The following USP6NL variants were observed in gnomAD, a reference collection of about 807,000 sequenced individuals.
The protein encoded by USP6NL is USP6 N-terminal-like protein.
A neutral mutation model predicts 61.9 loss-of-function variants in USP6NL; 26 were observed. That is an observed-to-expected ratio of 0.42 (90% CI 0.31 to 0.58). The LOEUF (loss-of-function observed/expected upper bound fraction) is 0.58, where lower values mean the gene tolerates loss of function less well. USP6NL is among the 20% of genes least tolerant of loss of function. USP6NL has a pLI of 0.16. For synonymous variants in USP6NL, 432 were observed against 390.1 expected (o/e 1.11, Z -1.27); for missense variants, 1,114 against 1,034.3 (o/e 1.08, Z -1.06).
At chr10:11,507,051 T>G (rs909571627) in intron 6 of USP6NL, among the ~76,000 whole-genome samples, 1 of 152,190 alleles carries the variant, frequency 6.6e-6, no homozygotes, top group African/African-American at 2.4e-5. Flanking sequence ...TGCTTCAAAA[T>G]TATACTTCAA....
rs1464625057 is a variant in USP6NL at position 11,575,348 on chromosome 10, T to C, written c.4+22283A>G. The stretch of plus-strand genomic sequence containing the variant: ...GTGTTAAGTATCTACTGCCTTTGTT[T>C]TCCAATCATGTTTCCAGCTCCTGAG... On this transcript the variant is annotated intron_variant, in intron 2 of 14. Coordinates refer to ENST00000609104, the MANE Select transcript of USP6NL (RefSeq NM_014688.5). The surrounding 1 kb of genome is among the most constrained non-coding windows in gnomAD (Gnocchi z 4.2). Among the ~76,000 whole-genome samples the C allele has an allele frequency of 6.6e-6, 1 of 152,230 alleles. No homozygotes were observed. Among genetic ancestry groups the C allele is most frequent in the Non-Finnish European group, 1.5e-5 (1 of 68,040 alleles).
chr10:11,509,261 A>G (rs1026355267), intron 6 of USP6NL, among the ~76,000 whole-genome samples: 7 of 152,174 alleles, frequency 4.6e-5, no homozygotes, highest in African/African-American at 1.7e-4. Flanking sequence ...AGGGAAGCCA[A>G]CCTCAAGATG....
rs757835467 is a variant in USP6NL at position 11,463,081 on chromosome 10, G to A, written c.1847C>T (p.Pro616Leu). 4 of 1,613,896 alleles carry A rather than the reference G, an allele frequency of 2.5e-6. No individual in the cohort carries two copies. The highest frequency in any genetic ancestry group is 1.1e-5 in the South Asian group (1 of 91,090). ...KVQPPSHARY[P>L]SQLDGEARGL... ...TCGGGCTTCCCCATCTAGCTGGGAC[G>A]GATATCGTGCATGACTTGGAGGCTG... Residue 616 changes from proline to leucine, a missense_variant, in exon 15 of 15, where the codon CCG becomes CTG. By Grantham distance (98) the Pro-to-Leu change is moderately conservative. Transcript: ENST00000609104. This position sits in a 1 kb window ranked among gnomAD's most constrained non-coding sequence, Gnocchi z 6.3.
intron 2 of USP6NL, among the ~76,000 whole-genome samples, chr10:11,550,811 A>G (rs1836452549): frequency 6.6e-6 from 1 of 152,042 alleles, no homozygotes; most frequent in African/African-American, 2.4e-5. Flanking sequence ...AAAACAGGCA[A>G]GAGATTTGAA....
At chr10:11,533,160 A>G (rs1835721180) in intron 2 of USP6NL, among the ~76,000 whole-genome samples, 1 of 152,208 alleles carries the variant, frequency 6.6e-6, no homozygotes, top group Admixed American at 6.5e-5. Context: ...AGAAGTTGAG[A>G]GGGGGAAAAT....
Position 11,468,148 on chromosome 10 carries a change from T to G in USP6NL, c.1079-4299A>C, listed in dbSNP as rs997062090. ...AAAAATCCATTTTTAATTAATCCAT[T>G]TATTGATTCTTGCCTCAGACAGGCA... On this transcript the variant is annotated intron_variant, in intron 14 of 14. Coordinates refer to ENST00000609104, the MANE Select transcript of USP6NL (RefSeq NM_014688.5). The surrounding 1 kb of genome is among the most constrained non-coding windows in gnomAD (Gnocchi z 4.5). Among the ~76,000 whole-genome samples, 1 of 152,204 alleles carries G rather than the reference T, an allele frequency of 6.6e-6. No homozygotes were observed. Among genetic ancestry groups the G allele is most frequent in the African/African-American group, 2.4e-5 (1 of 41,442 alleles).
intron 6 of USP6NL, among the ~76,000 whole-genome samples, chr10:11,504,041 A>G (rs1388442857): frequency 2.0e-5 from 3 of 152,202 alleles, no homozygotes; most frequent in African/African-American, 7.2e-5. Flanking sequence ...AAAACTTAAA[A>G]GGAATATAAA....
chr10:11,462,901 G>C lies in USP6NL; in HGVS notation c.2027C>G (p.Ser676Cys). The C allele has an allele frequency of 4.3e-6, 7 of 1,613,598 alleles. No homozygotes were observed. The Middle Eastern group carries it at 4.9e-4, about 114-fold the overall frequency. ...AGATTTCTCCGGAGAAGCACTGACG[G>C]AAAGAGTAGAACCATGAGGTCTCCT... Reference protein sequence around the residue: ...PSRRPHGSTLSVSASPEKSYS... With the variant: ...PSRRPHGSTLCVSASPEKSYS... Residue 676 changes from serine to cysteine, a missense_variant, in exon 15 of 15, where the codon TCC (serine) becomes TGC (cysteine). Coordinates refer to ENST00000609104, the MANE Select transcript of USP6NL (RefSeq NM_014688.5).
Position 11,463,651 on chromosome 10 carries a change from T to G in USP6NL, c.1277A>C (p.Glu426Ala). The G allele has an allele frequency of 6.2e-7, 1 of 1,613,988 alleles. No individual in the cohort carries two copies. Reference protein sequence around the residue: ...PHPQSRTGTPERAQPPRRKSV... With the variant: ...PHPQSRTGTPARAQPPRRKSV... ...TTTCCGTCTTGGCGGCTGTGCTCTC[T>G]CGGGCGTCCCGGTCCTGCTCTGGGG... Residue 426 changes from glutamate (E) to alanine (A), a missense_variant, in exon 15 of 15, where the codon GAG becomes GCG. Transcript: ENST00000609104. This position sits in a 1 kb window ranked among gnomAD's most constrained non-coding sequence, Gnocchi z 6.3.
At chr10:11,555,608 A>G (rs1474087566) in intron 2 of USP6NL, among the ~76,000 whole-genome samples, 1 of 151,606 alleles carries the variant, frequency 6.6e-6, no homozygotes, top group Non-Finnish European at 1.5e-5. Context: ...AGAATGGTAC[A>G]GAAGCAGTTT....
chr10:11,483,907 A>G (rs1833350404), intron 13 of USP6NL, among the ~76,000 whole-genome samples: 1 of 152,186 alleles, frequency 6.6e-6, no homozygotes, highest in African/African-American at 2.4e-5. Context: ...AAGTGCTTTT[A>G]AAGGGCATTT....
Position 11,598,807 on chromosome 10 carries a change from C to T in USP6NL, c.-83-1090G>A, listed in dbSNP as rs560187139. 1.3e-5 allele frequency among the ~76,000 whole-genome samples: 2 copies of T among 152,204 alleles called. No individual in the cohort carries two copies. The highest frequency in any genetic ancestry group is 2.1e-4 in the South Asian group (1 of 4,828). ...TTGCCACATCTATATACTGTACTTG[C>T]GTCATGTAATATACATGAGAAGTAT... On this transcript the variant is annotated intron_variant, in intron 1 of 14. Transcript: ENST00000609104. This position sits in a 1 kb window ranked among gnomAD's most constrained non-coding sequence, Gnocchi z 4.7.
At position 11,587,388 on chromosome 10, in the gene USP6NL, T is replaced by C. The variant is rs995638330; in HGVS notation, c.4+10243A>G. On this transcript the variant is annotated intron_variant, in intron 2 of 14. Transcript: ENST00000609104. This position sits in a 1 kb window ranked among gnomAD's most constrained non-coding sequence, Gnocchi z 4.5. ...TCCTTTGCAATATTCCAAGTTAATCTTCTAGCTTTCACTATCCCTTGCAAT... is the reference window on the plus strand; with the variant it reads ...TCCTTTGCAATATTCCAAGTTAATCCTCTAGCTTTCACTATCCCTTGCAAT... 2.0e-5 allele frequency among the ~76,000 whole-genome samples: 3 copies of C among 152,148 alleles called. No individual in the cohort carries two copies. Among genetic ancestry groups the C allele is most frequent in the Non-Finnish European group, 2.9e-5 (2 of 68,018 alleles).
At position 11,595,540 on chromosome 10, in the gene USP6NL, G is replaced by C. The variant is rs1177272537; in HGVS notation, c.4+2091C>G. Reference sequence around the variant, plus strand: ...TCTGTGATGTTCTCAACGTCACCATGGGGCCAGGGCTCTGACCCACTAACA... The same window carrying C: ...TCTGTGATGTTCTCAACGTCACCATCGGGCCAGGGCTCTGACCCACTAACA... On this transcript the variant is annotated intron_variant, in intron 2 of 14. Coordinates refer to ENST00000609104, the MANE Select transcript of USP6NL (RefSeq NM_014688.5). The surrounding 1 kb of genome is among the most constrained non-coding windows in gnomAD (Gnocchi z 5.3). 6.6e-6 allele frequency among the ~76,000 whole-genome samples: 1 copy of C among 152,134 alleles called. No homozygotes were observed. The highest frequency in any genetic ancestry group is 2.4e-5 in the African/African-American group (1 of 41,424).
In USP6NL at chr10:11,495,989, A is replaced by G. The variant is rs1419067226; in HGVS notation, c.385-2761T>C. ...GGGTTTATTTTCTTATGCTGATCAC[A>G]TCCCCCACAGAACGCTCTTCCAATC... On this transcript the variant is annotated intron_variant, in intron 7 of 14. Coordinates refer to ENST00000609104, the MANE Select transcript of USP6NL (RefSeq NM_014688.5). The surrounding 1 kb of genome is among the most constrained non-coding windows in gnomAD (Gnocchi z 4.6). Among the ~76,000 whole-genome samples, 6 of 151,990 alleles carry G rather than the reference A, an allele frequency of 3.9e-5. No individual in the cohort carries two copies. The highest frequency in any genetic ancestry group is 5.9e-5 in the Non-Finnish European group (4 of 68,004).
chr10:11,484,905 T>A (rs1292412562), intron 13 of USP6NL, 66 bp downstream of exon 13: 1 of 1,268,518 alleles, frequency 7.9e-7, no homozygotes, highest in African/African-American at 1.5e-5. Flanking sequence ...GGGTGGGGAA[T>A]GAGAAATCAA....
At chr10:11,503,828 CA>C (rs1310455975) in intron 6 of USP6NL, among the ~76,000 whole-genome samples, 4 of 152,076 alleles carry the variant, frequency 2.6e-5, no homozygotes, top group African/African-American at 9.7e-5. Flanking sequence ...GAACGTGAAT[CA>C]CAAAGAGGTT....
At chr10:11,472,697 T>C (rs1010499845) in intron 14 of USP6NL, among the ~76,000 whole-genome samples, 1 of 152,218 alleles carries the variant, frequency 6.6e-6, no homozygotes, top group Non-Finnish European at 1.5e-5. Context: ...AGCCAAAATA[T>C]ACAATTCAAA....
In USP6NL at chr10:11,463,708, G is replaced by A. The variant is rs767258666; in HGVS notation, c.1220C>T (p.Ala407Val). 4.8e-5 allele frequency: 78 copies of A among 1,611,332 alleles called. No homozygotes were observed. Among genetic ancestry groups the A allele is most frequent in the Admixed American group, 1.2e-4 (7 of 59,780 alleles). The change falls in exon 15 of 15, where the codon GCG (alanine) becomes GTG (valine). Residue 407 changes from alanine (A) to valine (V), a missense_variant. Ala to Val is a moderately conservative substitution (Grantham distance 64). Coordinates refer to ENST00000609104, the MANE Select transcript of USP6NL (RefSeq NM_014688.5). This position sits in a 1 kb window ranked among gnomAD's most constrained non-coding sequence, Gnocchi z 6.3. ...PLASGRRESG[A>V]PHRRHEHSPH... ...GGAGTGCTCGTGCCTCCTGTGGGGCGCCCCGCTCTCCCTCCTGCCGCTGGC... is the reference window on the plus strand; with the variant it reads ...GGAGTGCTCGTGCCTCCTGTGGGGCACCCCGCTCTCCCTCCTGCCGCTGGC...
Sources: allele counts gnomAD v4.1 joint callset (sites outside exome capture counted in the v4.1 genomes callset), GRCh38; gene constraint gnomAD v4.1.1; non-coding constraint Gnocchi (gnomAD v3.1); transcripts MANE v1.5; gene names NCBI Gene and HGNC (gene_info 2026-07-23, HGNC 2026-07-21).